AGAP2: variants seen among roughly 807,000 people sequenced by gnomAD.
AGAP2 encodes ArfGAP with GTPase domain, ankyrin repeat and PH domain 2.
Under a neutral mutation model 110.9 loss-of-function variants are expected in AGAP2, and 32 were observed. The ratio of observed to expected loss-of-function variants is 0.29; its 90% confidence interval spans 0.22 to 0.39. The LOEUF (loss-of-function observed/expected upper bound fraction) is 0.39. AGAP2 is among the 10% of genes least tolerant of loss of function. The probability of loss-of-function intolerance (pLI) is 1.00; values close to 1 mark genes in which losing one functional copy is unlikely to be tolerated. For synonymous variants in AGAP2, 702 were observed against 713.0 expected, an observed-to-expected ratio of 0.98 and a Z score of 0.25; for missense variants, 1,285 against 1,638.5, an observed-to-expected ratio of 0.78 and a Z score of 3.72.
chr12:57,728,280 C>A (rs1352094500), intron 14 of AGAP2, 38 bp downstream of exon 14: 1 of 1,608,674 alleles, frequency 6.2e-7, no homozygotes, highest in Non-Finnish European at 8.5e-7. Flanking sequence ...CCCTTCTGCA[C>A]CCCAGCTGAG....
In AGAP2 at chr12:57,737,470, C is replaced by A. The variant is rs528656185; in HGVS notation, c.777G>T (p.Gly259=). 4.3e-6 allele frequency: 7 copies of A among 1,610,602 alleles called. No homozygotes were observed. In the African/African-American group the frequency reaches 9.3e-5, roughly 21 times the overall value. Residue 259 remains glycine, a synonymous_variant, in exon 1 of 19, where the codon GGG becomes GGT. Coordinates refer to ENST00000547588, the MANE Select transcript of AGAP2 (RefSeq NM_001122772.3). This position sits in a 1 kb window ranked among gnomAD's most constrained non-coding sequence, Gnocchi z 5.9. ...GGGACAACTTCCCTCGGGCTCCAGCCCCAGCCCCGACCCCACCAGAGGTCG... is the reference window on the plus strand; with the variant it reads ...GGGACAACTTCCCTCGGGCTCCAGCACCAGCCCCGACCCCACCAGAGGTCG... The part of the protein sequence containing the change: ...TASTSGGVGA[G]AGARGKLSPR...
chr12:57,726,379 G>C lies in AGAP2; in HGVS notation c.*173C>G. On this transcript the variant is annotated 3_prime_UTR_variant, in exon 19 of 19. Transcript: ENST00000547588. The surrounding 1 kb of genome is among the most constrained non-coding windows in gnomAD (Gnocchi z 5.7). ...TCCATGCCTCGTTGGGGAGAGGGAG[G>C]TGAGTTTGTGTCTTCTGGAAGGCGT... 2.0e-6 allele frequency: 1 copy of C among 503,392 alleles called. No homozygotes were observed. Among genetic ancestry groups the C allele is most frequent in the Non-Finnish European group, 2.8e-6 (1 of 350,904 alleles). The allele number at this position is 503,392 out of a possible 1,614,324, so 31.2% of individuals were successfully genotyped here. A position where few individuals can be genotyped will look rare whatever the true frequency, so the allele number is the denominator to read the frequency against.
chr12:57,727,909 A>G, intron 15 of AGAP2, 28 bp downstream of exon 15: 3 of 1,612,792 alleles, frequency 1.9e-6, no homozygotes, highest in Non-Finnish European at 2.5e-6. Context: ...TCCTGCGGCC[A>G]GTCCTCCACT....
chr12:57,734,463 C>G, intron 3 of AGAP2, 59 bp from the exon 4 acceptor site: 8 of 1,597,770 alleles, frequency 5.0e-6, no homozygotes, highest in Non-Finnish European at 6.9e-6. Context: ...CAAACCTCCC[C>G]ATGCTCCCAG....
Position 57,727,766 on chromosome 12 carries a change from G to C in AGAP2, c.2772C>G (p.Arg924=). The C allele has an allele frequency of 6.3e-7, 1 of 1,579,860 alleles. No homozygotes were observed. Among genetic ancestry groups the C allele is most frequent in the South Asian group, 1.2e-5 (1 of 84,728 alleles). The part of the protein sequence containing the change: ...QCCESSKVKL[R]TDSQSEAVAI... ...CCACGGCCTCGCTTTGGCTGTCTGT[G>C]CGCAGCTGCAGAGAGGGTTTGGGTT... The change falls in exon 16 of 19, where the codon CGC becomes CGG. Residue 924 remains arginine, a synonymous_variant. Transcript: ENST00000547588.
upstream of AGAP2, among the ~76,000 whole-genome samples, chr12:57,740,187 G>A (rs988982566): frequency 2.0e-5 from 3 of 151,968 alleles, no homozygotes; most frequent in Non-Finnish European, 2.9e-5. Flanking sequence ...GCAGGAGCCC[G>A]CAGCGTGCTT....
Position 57,734,112 on chromosome 12 carries a change from T to C in AGAP2, c.1463A>G (p.Gln488Arg), listed in dbSNP as rs761481619. 1.2e-6 allele frequency: 2 copies of C among 1,613,608 alleles called. No homozygotes were observed. The highest frequency in any genetic ancestry group is 1.7e-6 in the Non-Finnish European group (2 of 1,179,812). ...CTGCCCATGGAGACGGCTCACAGCC[T>C]GGAAACTGTTCTCATCCTCCAGGCT... ...VFSLEDENSF[Q>R]AVSRLHGQLS... Residue 488 changes from glutamine (Q) to arginine (R), a missense_variant, in exon 5 of 19, where the codon CAG becomes CGG. Gln to Arg is a conservative substitution (Grantham distance 43). This residue lies in a region of AGAP2 where 844 missense variants were observed against 941.2 expected (regional missense o/e 0.90). Transcript: ENST00000547588.
downstream of AGAP2, chr12:57,724,206 TC>T (rs1008730772): frequency 6.6e-5 from 10 of 152,224 alleles, no homozygotes; most frequent in African/African-American, 2.2e-4. Flanking sequence ...TGGTGCTGTG[TC>T]CTCAGTTCAG....
In AGAP2 at chr12:57,729,559, T is replaced by C. The variant is rs1437909670; in HGVS notation, c.2557+80A>G. On this transcript the variant is annotated intron_variant, in intron 13 of 18. Coordinates refer to ENST00000547588, the MANE Select transcript of AGAP2 (RefSeq NM_001122772.3). Reference sequence around the variant, plus strand: ...CACTCAGCTCAGGCACTTTTCCTCCTGCTGCAGGAGTTAGGCCAGGGAGCT... The same window carrying C: ...CACTCAGCTCAGGCACTTTTCCTCCCGCTGCAGGAGTTAGGCCAGGGAGCT... 1.9e-6 allele frequency: 3 copies of C among 1,542,832 alleles called. No individual in the cohort carries two copies. The East Asian group carries it at 7.0e-5, about 36-fold the overall frequency.
chr12:57,737,997 C>T lies in AGAP2; in HGVS notation c.250G>A (p.Gly84Ser), dbSNP rs1255553628. The T allele has an allele frequency of 1.4e-6, 2 of 1,477,594 alleles. No individual in the cohort carries two copies. Among genetic ancestry groups the T allele is most frequent in the East Asian group, 2.7e-5 (1 of 36,906 alleles). The allele number at this position is 1,477,594 out of a possible 1,614,324, so 91.5% of individuals were successfully genotyped here. Residue 84 changes from glycine (G) to serine (S), a missense_variant, in exon 1 of 19, where the codon GGC becomes AGC. Coordinates refer to ENST00000547588, the MANE Select transcript of AGAP2 (RefSeq NM_001122772.3). The surrounding 1 kb of genome is among the most constrained non-coding windows in gnomAD (Gnocchi z 5.9). ...DALWISTSSA[G>S]TGGAEPPALS... is the part of the protein sequence containing the mutation. Reference sequence around the variant, plus strand: ...GCTGGGGGCTCCGCGCCCCCGGTGCCCGCGCTGCTCGTGCTGATCCACAGC... The same window carrying T: ...GCTGGGGGCTCCGCGCCCCCGGTGCTCGCGCTGCTCGTGCTGATCCACAGC...
Position 57,732,933 on chromosome 12 carries a change from G to T in AGAP2, c.1596C>A (p.Ala532=). 1 of 1,614,058 alleles carries T rather than the reference G, an allele frequency of 6.2e-7. No individual in the cohort carries two copies. Among genetic ancestry groups the T allele is most frequent in the Non-Finnish European group, 8.5e-7 (1 of 1,180,038 alleles). ...SSPRVVGDAR[A]RALCADMKRC... Reference sequence around the variant, plus strand: ...GTTTCATGTCCGCGCACAGAGCTCTGGCACGAGCATCTCCCACCACCCGAG... The same window carrying T: ...GTTTCATGTCCGCGCACAGAGCTCTTGCACGAGCATCTCCCACCACCCGAG... Residue 532 remains alanine, a synonymous_variant, in exon 6 of 19, where the codon GCC becomes GCA. Coordinates refer to ENST00000547588, the MANE Select transcript of AGAP2 (RefSeq NM_001122772.3).
In AGAP2 at chr12:57,731,958, C is replaced by T. The variant is rs771629262; in HGVS notation, c.1804G>A (p.Gly602Arg). The change falls in exon 8 of 19, where the codon GGG becomes AGG. Residue 602 changes from glycine (G) to arginine (R), a missense_variant. Gly to Arg is a moderately radical substitution (Grantham distance 125). Around this residue, in one of 7 missense-constraint regions of AGAP2, gnomAD observed 844 missense variants for 941.2 expected, o/e 0.90. Transcript: ENST00000547588. ...GAAGAGTAGTCGCTAGTGTGGCCCC[C>T]GTTACTAGCCTGGGCACATATGGAA... is the stretch of plus-strand genomic sequence containing the variant. ...STPVAGQASN[G>R]GHTSDYSSSL... 3.7e-6 allele frequency: 6 copies of T among 1,613,420 alleles called. No individual in the cohort carries two copies. The highest frequency in any genetic ancestry group is 2.7e-5 in the African/African-American group (2 of 74,888).
At chr12:57,732,654 GCCAGCTCCT>G in intron 6 of AGAP2, 142 bp from the exon 7 acceptor site, 1 of 1,314,972 alleles carries the variant, frequency 7.6e-7, no homozygotes, top group Non-Finnish European at 1.1e-6. Context: ...CTGTGGCCTT[GCCAGCTCCT>G]CCAGCCCAGA....
intron 13 of AGAP2, 141 bp downstream of exon 13, chr12:57,729,498 T>C: frequency 8.1e-7 from 1 of 1,234,396 alleles, no homozygotes; most frequent in Non-Finnish European, 1.1e-6. Context: ...CATCCACTCT[T>C]TCACTAAGTT....
intron 10 of AGAP2, 33 bp from the exon 11 acceptor site, chr12:57,730,986 G>T: frequency 6.8e-7 from 1 of 1,479,470 alleles, no homozygotes; most frequent in Non-Finnish European, 8.9e-7. Flanking sequence ...GTGTAGGGAA[G>T]GTTGGGGTCC....
rs1163954132 is a variant in AGAP2 at position 57,730,840 on chromosome 12, A to T, written c.2259T>A (p.Ile753=). ...AISAFGPSAS[I]NGLVKDMSTV... The stretch of plus-strand genomic sequence containing the variant: ...TGCTCATGTCCTTGACGAGCCCGTT[A>T]ATGCTGGCTGAGGGGCCAAAGGCAG... The change falls in exon 11 of 19, where the codon ATT becomes ATA. Residue 753 remains isoleucine (I), a synonymous_variant. Coordinates refer to ENST00000547588, the MANE Select transcript of AGAP2 (RefSeq NM_001122772.3). 1.2e-6 allele frequency: 2 copies of T among 1,613,864 alleles called. No individual in the cohort carries two copies. Among genetic ancestry groups the T allele is most frequent in the Non-Finnish European group, 1.7e-6 (2 of 1,180,002 alleles).
In AGAP2 at chr12:57,733,618, G is replaced by A. The variant is rs111830825; in HGVS notation, c.1549+408C>T. Among the ~76,000 whole-genome samples the A allele has an allele frequency of 9.6e-3, 1,460 of 152,206 alleles. 16 individuals carry two copies. Among genetic ancestry groups the A allele is most frequent in the Non-Finnish European group, 0.016 (1,104 of 67,996 alleles). Reference sequence around the variant, plus strand: ...TCCTTTGTGTTTTCACTTTGTTTTTGGATAAGTTCCTTTAAAAGGTGTCAG... The same window carrying A: ...TCCTTTGTGTTTTCACTTTGTTTTTAGATAAGTTCCTTTAAAAGGTGTCAG... On this transcript the variant is annotated intron_variant, in intron 5 of 18. Coordinates refer to ENST00000547588, the MANE Select transcript of AGAP2 (RefSeq NM_001122772.3).
intron 10 of AGAP2, 150 bp downstream of exon 10, chr12:57,731,216 A>G: frequency 1.3e-6 from 1 of 749,346 alleles, no homozygotes; most frequent in Non-Finnish European, 2.2e-6. Context: ...GCATGGGCAC[A>G]TGGTGGGCTC....
chr12:57,740,967 A>T (rs1007949935), upstream of AGAP2, among the ~76,000 whole-genome samples: 2 of 152,238 alleles, frequency 1.3e-5, no homozygotes, highest in Admixed American at 1.3e-4. Flanking sequence ...AATGGAGAAG[A>T]CTGAAATGGC....
Sources: gnomAD v4.1 joint callset for allele counts (sites outside exome capture counted in the v4.1 genomes callset) on GRCh38, gnomAD v4.1.1 for gene constraint, gnomAD v4.1.1 regional missense constraint, Gnocchi (gnomAD v3.1) non-coding constraint, MANE v1.5 for transcripts, NCBI Gene and HGNC (gene_info 2026-07-23, HGNC 2026-07-21) for gene names.